The following EPYC variants were observed in gnomAD, a reference collection of about 807,000 sequenced individuals.
EPYC encodes epiphycan, also known as dermatan sulfate proteoglycan 3.
In EPYC, 28 loss-of-function variants were observed where a neutral mutation model predicts 30.1. That is an observed-to-expected ratio of 0.93 (90% confidence interval 0.69 to 1.28). The LOEUF (loss-of-function observed/expected upper bound fraction) is 1.28. Among genes scored for constraint, EPYC ranks in the 50% most tolerant of loss-of-function variants. EPYC has a pLI of 0.00. For synonymous variants in EPYC, 144 were observed against 141.4 expected, an observed-to-expected ratio of 1.02 and a Z score of -0.13; for missense variants, 382 against 383.5, an observed-to-expected ratio of 1.00 and a Z score of 0.03.
At position 90,978,083 on chromosome 12, in the gene EPYC, C is replaced by T; in HGVS notation, c.340+5G>A. On this transcript the variant is annotated splice_donor_5th_base_variant and intron_variant, in intron 3 of 6. Transcript: ENST00000261172. ...CAATTGTAATTCTGCTTTGAGGTACCTGACCTTCATTTGTGTGTGGCCCCA... is the reference window on the plus strand; with the variant it reads ...CAATTGTAATTCTGCTTTGAGGTACTTGACCTTCATTTGTGTGTGGCCCCA... 1 of 1,556,274 alleles carries T rather than the reference C, an allele frequency of 6.4e-7. No homozygotes were observed. Among genetic ancestry groups the T allele is most frequent in the Middle Eastern group, 1.7e-4 (1 of 5,808 alleles).
chr12:90,978,992 T>A (rs1444445263), intron 2 of EPYC, among the ~76,000 whole-genome samples: 1 of 152,286 alleles, frequency 6.6e-6, no homozygotes, highest in East Asian at 1.9e-4. Context: ...GTTATAAAAT[T>A]ACAAAATTAT....
chr12:90,967,970 T>TA (rs779241802), intron 6 of EPYC, among the ~76,000 whole-genome samples: 51 of 151,402 alleles, frequency 3.4e-4, no homozygotes, highest in African/African-American at 1.0e-3. Context: ...ACCCTTTCTA[T>TA]AAAAAAAAAT....
At chr12:91,002,641 A>C (rs1592633810) in intron 1 of EPYC, 63 bp from the exon 2 acceptor site, 1 of 1,276,368 alleles carries the variant, frequency 7.8e-7, no homozygotes, top group Non-Finnish European at 1.1e-6. Context: ...GTTTGCACTA[A>C]ATAGAAATGA....
At chr12:90,996,289 A>C (rs1477091729) in intron 2 of EPYC, among the ~76,000 whole-genome samples, 3 of 151,864 alleles carry the variant, frequency 2.0e-5, no homozygotes, top group Non-Finnish European at 4.4e-5. Flanking sequence ...GATTTCTGGA[A>C]GTTGTCCGGA....
intron 3 of EPYC, among the ~76,000 whole-genome samples, chr12:90,977,226 C>G (rs1247948803): frequency 1.3e-5 from 2 of 152,178 alleles, no homozygotes; most frequent in Non-Finnish European, 2.9e-5. Context: ...TACTCCCTAA[C>G]TATGCCATTC....
At chr12:90,974,074 C>CACACACA (rs1877124285) in intron 3 of EPYC, among the ~76,000 whole-genome samples, 2 of 77,758 alleles carry the variant, frequency 2.6e-5, no homozygotes, top group South Asian at 9.2e-4. Flanking sequence ...ACACACACAC[C>CACACACA]CCTACCTCTC....
At chr12:90,979,586 A>G (rs1460869641) in intron 2 of EPYC, among the ~76,000 whole-genome samples, 1 of 152,152 alleles carries the variant, frequency 6.6e-6, no homozygotes, top group Non-Finnish European at 1.5e-5. Flanking sequence ...CTTTTTAAGG[A>G]ACACTAAACT....
chr12:90,965,487 G>T (rs766161129), intron 6 of EPYC, among the ~76,000 whole-genome samples: 1 of 152,010 alleles, frequency 6.6e-6, no homozygotes, highest in Non-Finnish European at 1.5e-5. Context: ...ATGTATGAGG[G>T]TTACAATTTT....
intron 2 of EPYC, among the ~76,000 whole-genome samples, chr12:90,979,997 C>A (rs2120830840): frequency 6.6e-6 from 1 of 152,182 alleles, no homozygotes; most frequent in Non-Finnish European, 1.5e-5. Flanking sequence ...AAAGCTTGAC[C>A]AGAAAGCTCC....
At chr12:90,967,497 T>C (rs935974557) in intron 6 of EPYC, among the ~76,000 whole-genome samples, 4 of 152,236 alleles carry the variant, frequency 2.6e-5, no homozygotes, top group African/African-American at 2.4e-5. Context: ...AATTTACTAA[T>C]ACTTGTTTTG....
chr12:90,987,476 T>C (rs1029815049), intron 2 of EPYC, among the ~76,000 whole-genome samples: 4 of 152,210 alleles, frequency 2.6e-5, no homozygotes, highest in Non-Finnish European at 4.4e-5. Flanking sequence ...CTTTGATTGT[T>C]AGACCACATT....
chr12:91,004,231 C>T (rs955043619), intron 1 of EPYC, among the ~76,000 whole-genome samples: 1 of 151,992 alleles, frequency 6.6e-6, no homozygotes, highest in Non-Finnish European at 1.5e-5. Flanking sequence ...ACTTGCTGGC[C>T]TTTTTTCTCA....
Position 90,964,165 on chromosome 12 carries a change from G to A in EPYC, c.960C>T (p.Ser320=), listed in dbSNP as rs761128801. Residue 320 remains serine (S), a synonymous_variant, in exon 7 of 7, where the codon AGC becomes AGT. Coordinates refer to ENST00000261172, the MANE Select transcript of EPYC (RefSeq NM_004950.5). ...TAACCATTATCTGAAATTAGACAAG[G>A]CTCCCAACAGGCAGACGAGGTAGAC... The part of the protein sequence containing the change: ...YMCLPRLPVG[S]LV 5 of 1,611,106 alleles carry A rather than the reference G, an allele frequency of 3.1e-6. No individual in the cohort carries two copies. In the East Asian group the frequency reaches 8.9e-5, roughly 29 times the overall value.
chr12:90,994,988 G>T (rs1489362857), intron 2 of EPYC, among the ~76,000 whole-genome samples: 1 of 152,014 alleles, frequency 6.6e-6, no homozygotes, highest in African/African-American at 2.4e-5. Context: ...GCGTTAAAAG[G>T]CTCTGCACTG....
chr12:90,964,118 T>C lies in EPYC; in HGVS notation c.*38A>G, dbSNP rs748096370. The stretch of plus-strand genomic sequence containing the variant: ...GGAAGAGAGCAGTAAGAATGGTTTA[T>C]TTATAGTAGCCATCGTAATGCTAAC... On this transcript the variant is annotated 3_prime_UTR_variant, in exon 7 of 7. Coordinates refer to ENST00000261172, the MANE Select transcript of EPYC (RefSeq NM_004950.5). The C allele has an allele frequency of 1.9e-6, 3 of 1,573,042 alleles. No homozygotes were observed. The highest frequency in any genetic ancestry group is 2.6e-6 in the Non-Finnish European group (3 of 1,149,796).
At chr12:90,999,797 T>C (rs1877780659) in intron 2 of EPYC, among the ~76,000 whole-genome samples, 1 of 151,698 alleles carries the variant, frequency 6.6e-6, no homozygotes, top group Non-Finnish European at 1.5e-5. Context: ...TAAGAAATTG[T>C]GTGCTGTTTT....
At position 90,974,038 on chromosome 12, in the gene EPYC, T is replaced by TCACACACACACACA. The variant is rs560408641; in HGVS notation, c.341-1072_341-1059dup. On this transcript the variant is annotated intron_variant, in intron 3 of 6. Transcript: ENST00000261172. ...TTTTTCTTTTCTGTCTTACACACAC[T>TCACACACACACACA]CACACACACACACACACACACACAC... Among the ~76,000 whole-genome samples, 130 of 140,476 alleles carry TCACACACACACACA rather than the reference T, an allele frequency of 9.3e-4. 1 individual carries two copies. Among genetic ancestry groups the TCACACACACACACA allele is most frequent in the East Asian group, 3.5e-3 (17 of 4,846 alleles). The allele number at this position is 140,476 out of a possible 152,430, so 92.2% of individuals were successfully genotyped here. A position where few individuals can be genotyped will look rare whatever the true frequency, so the allele number is the denominator to read the frequency against.
At chr12:90,980,354 A>G (rs1245517262) in intron 2 of EPYC, among the ~76,000 whole-genome samples, 1 of 152,200 alleles carries the variant, frequency 6.6e-6, no homozygotes, top group African/African-American at 2.4e-5. Context: ...TGTTTTGTTC[A>G]TGCTTCCTTG....
intron 2 of EPYC, among the ~76,000 whole-genome samples, chr12:90,991,123 G>T (rs772228751): frequency 1.3e-5 from 2 of 152,064 alleles, no homozygotes; most frequent in Non-Finnish European, 2.9e-5. Context: ...CTTCTCAAAC[G>T]TGCCAAGGAA....
Sources: allele counts gnomAD v4.1 joint callset (sites outside exome capture counted in the v4.1 genomes callset), GRCh38; gene constraint gnomAD v4.1.1; transcripts MANE v1.5; gene names NCBI Gene and HGNC (gene_info 2026-07-23, HGNC 2026-07-21).